The following CLNK variants were observed in gnomAD, a reference collection of about 807,000 sequenced individuals.
The protein encoded by CLNK is cytokine dependent hematopoietic cell linker.
A neutral mutation model predicts 68.6 loss-of-function variants in CLNK; 74 were observed. The ratio of observed to expected loss-of-function variants is 1.08; its 90% CI spans 0.89 to 1.31. The LOEUF (loss-of-function observed/expected upper bound fraction) is 1.31. Among genes scored for constraint, CLNK ranks in the 50% most tolerant of loss-of-function variants. CLNK has a pLI of 0.00. For synonymous variants in CLNK, 198 were observed against 172.2 expected, an observed-to-expected ratio of 1.15 and a Z score of -1.17; for missense variants, 553 against 515.3, an observed-to-expected ratio of 1.07 and a Z score of -0.71.
At chr4:10,692,594 T>C in the CLNK span, among the ~76,000 whole-genome samples, 1,314 of 152,274 alleles carry the variant, frequency 8.6e-3, 12 homozygotes, top group South Asian at 0.013. Flanking sequence ...AAATGCAAAA[T>C]GTGGAGGAAA....
At chr4:10,520,652 A>G (rs1321943772) in intron 15 of CLNK, 139 bp downstream of exon 15, 6 of 606,400 alleles carry the variant, frequency 9.9e-6, no homozygotes, top group Non-Finnish European at 1.5e-5. Context: ...TTGTCATAGT[A>G]ACGCAATGGA....
chr4:10,575,008 A>G (rs8180364), intron 4 of CLNK, among the ~76,000 whole-genome samples: 147,238 of 152,212 alleles, frequency 0.97, 71,405 homozygotes, highest in East Asian at 1. Flanking sequence ...TCTTGCCAAA[A>G]CTCCTGGCAG....
chr4:10,543,935 T>C (rs1321582798), intron 8 of CLNK, among the ~76,000 whole-genome samples: 1 of 152,210 alleles, frequency 6.6e-6, no homozygotes, highest in Non-Finnish European at 1.5e-5. Context: ...CATTAGATCT[T>C]TGACTATTTC....
intron 2 of CLNK, among the ~76,000 whole-genome samples, chr4:10,631,364 G>T (rs1436633101): frequency 1.3e-5 from 2 of 152,228 alleles, no homozygotes; most frequent in Non-Finnish European, 2.9e-5. Flanking sequence ...TAAGTAGAAG[G>T]CTGGAAACCA....
chr4:10,716,365 C>G, the CLNK span, among the ~76,000 whole-genome samples: 1 of 152,150 alleles, frequency 6.6e-6, no homozygotes, highest in East Asian at 1.9e-4. Flanking sequence ...ACAATTGTGA[C>G]CTCTGCTGAG....
At position 10,581,541 on chromosome 4, in the gene CLNK, A is replaced by G. The variant is rs563885995; in HGVS notation, c.112+3386T>C. Among the ~76,000 whole-genome samples the G allele has an allele frequency of 1.7e-4, 26 of 152,262 alleles. No individual in the cohort carries two copies. In the South Asian group the frequency reaches 4.2e-3, roughly 24 times the overall value. Reference sequence around the variant, plus strand: ...TAACAGGGGGTTGAAGAACAGGCATAATGTTCTAAGTAGGTGGCCCTTGGA... The same window carrying G: ...TAACAGGGGGTTGAAGAACAGGCATGATGTTCTAAGTAGGTGGCCCTTGGA... On this transcript the variant is annotated intron_variant, in intron 4 of 18. Coordinates refer to ENST00000226951, the MANE Select transcript of CLNK (RefSeq NM_052964.4).
chr4:10,669,205 A>C (rs1724529999), intron 1 of CLNK, among the ~76,000 whole-genome samples: 1 of 152,244 alleles, frequency 6.6e-6, no homozygotes, highest in South Asian at 2.1e-4. Context: ...TATTGTGCCC[A>C]GTGAGACACA....
At chr4:10,590,867 TG>T (rs1411890007) in intron 3 of CLNK, among the ~76,000 whole-genome samples, 1 of 152,130 alleles carries the variant, frequency 6.6e-6, no homozygotes, top group African/African-American at 2.4e-5. Context: ...CAATTCTTGG[TG>T]GAAAGCATCT....
upstream of CLNK, among the ~76,000 whole-genome samples, chr4:10,689,275 C>T (rs1418818259): frequency 6.6e-6 from 1 of 151,928 alleles, no homozygotes; most frequent in Non-Finnish European, 1.5e-5. Context: ...GTTGGGACTG[C>T]AGGCACAAGA....
the CLNK span, among the ~76,000 whole-genome samples, chr4:10,716,114 A>T: frequency 6.6e-6 from 1 of 152,254 alleles, no homozygotes; most frequent in Non-Finnish European, 1.5e-5. Context: ...CAGCAATATT[A>T]AATCAACAAT....
intron 8 of CLNK, among the ~76,000 whole-genome samples, chr4:10,553,902 A>G (rs1280562338): frequency 6.6e-6 from 1 of 152,230 alleles, no homozygotes; most frequent in African/African-American, 2.4e-5. Flanking sequence ...CCTTATACTT[A>G]GCTGAAAGTA....
chr4:10,503,940 G>A (rs530405682), intron 17 of CLNK, among the ~76,000 whole-genome samples: 3 of 150,578 alleles, frequency 2.0e-5, no homozygotes, highest in East Asian at 2.0e-4. Flanking sequence ...CCAACACCAC[G>A]CCTAGCTAAT....
chr4:10,606,108 A>G (rs1490445641), intron 2 of CLNK, among the ~76,000 whole-genome samples: 1 of 152,232 alleles, frequency 6.6e-6, no homozygotes, highest in East Asian at 1.9e-4. Context: ...CTCTTGTAAT[A>G]ACACTTAAAA....
At chr4:10,548,887 G>C (rs918343982) in intron 8 of CLNK, among the ~76,000 whole-genome samples, 1 of 152,142 alleles carries the variant, frequency 6.6e-6, no homozygotes, top group Admixed American at 6.5e-5. Flanking sequence ...TGCATGTTTG[G>C]TGTACCACTG....
chr4:10,534,798 C>G (rs1422401563), intron 11 of CLNK, among the ~76,000 whole-genome samples: 1 of 152,072 alleles, frequency 6.6e-6, no homozygotes, highest in Non-Finnish European at 1.5e-5. Flanking sequence ...ACAGACAGTT[C>G]CTATGTGCCC....
chr4:10,732,130 G>C, the CLNK span, among the ~76,000 whole-genome samples: 1 of 152,258 alleles, frequency 6.6e-6, no homozygotes, highest in Admixed American at 6.5e-5. Context: ...TAATTAGAAA[G>C]TAATGAGTTT....
intron 3 of CLNK, among the ~76,000 whole-genome samples, chr4:10,595,032 G>A (rs1229455926): frequency 1.3e-5 from 2 of 152,016 alleles, no homozygotes; most frequent in African/African-American, 4.8e-5. Context: ...GGGAGGCGGA[G>A]ATTGCGCGAT....
the CLNK span, among the ~76,000 whole-genome samples, chr4:10,712,118 G>T: frequency 2.6e-5 from 4 of 152,144 alleles, no homozygotes; most frequent in African/African-American, 9.7e-5. Flanking sequence ...AGTATAAGGA[G>T]AATTTTTTTG....
intron 2 of CLNK, among the ~76,000 whole-genome samples, chr4:10,602,898 C>A (rs539526502): frequency 6.2e-4 from 94 of 152,274 alleles, no homozygotes; most frequent in Non-Finnish European, 1.0e-3. Context: ...TGGTGACAAC[C>A]AGTGAGGGGT....
Sources: allele counts gnomAD v4.1 joint callset (sites outside exome capture counted in the v4.1 genomes callset), GRCh38; gene constraint gnomAD v4.1.1; transcripts MANE v1.5; gene names NCBI Gene and HGNC (gene_info 2026-07-23, HGNC 2026-07-21).